The following GRIN2B variants were observed in gnomAD, a reference collection of about 807,000 sequenced individuals.
GRIN2B encodes the protein glutamate receptor ionotropic, NMDA 2B.
In GRIN2B, 5 loss-of-function variants were observed where a neutral mutation model predicts 114.5. That is an observed-to-expected ratio of 0.04 (90% CI 0.02 to 0.09). The LOEUF is 0.09. Ranked by LOEUF, GRIN2B falls within the 10% of genes least tolerant of loss-of-function variation. The pLI is 1.00. For missense variants in GRIN2B, 1,108 were observed against 1,943.5 expected (o/e 0.57, Z 8.08); for synonymous variants, 787 against 745.1 (o/e 1.06, Z -0.92).
intron 2 of GRIN2B, among the ~76,000 whole-genome samples, chr12:13,946,507 C>A (rs1867365489): frequency 6.6e-6 from 1 of 151,882 alleles, no homozygotes; most frequent in Non-Finnish European, 1.5e-5. Context: ...ATACATGATG[C>A]TTGAAAGTAT....
At chr12:13,958,722 T>C (rs1446730088) in intron 2 of GRIN2B, among the ~76,000 whole-genome samples, 1 of 152,122 alleles carries the variant, frequency 6.6e-6, no homozygotes, top group Non-Finnish European at 1.5e-5. Context: ...TCCTCCTCCA[T>C]GTTCTCCTTC....
chr12:13,649,885 C>T (rs61548994), intron 5 of GRIN2B, among the ~76,000 whole-genome samples: 3,337 of 152,196 alleles, frequency 0.022, 132 homozygotes, highest in African/African-American at 0.076. Context: ...AACAGTTTAA[C>T]ATTTCTATGT....
At chr12:13,934,221 CTCT>C (rs1867088687) in intron 2 of GRIN2B, among the ~76,000 whole-genome samples, 1 of 152,194 alleles carries the variant, frequency 6.6e-6, no homozygotes, top group Non-Finnish European at 1.5e-5. Context: ...CATGCTCTTC[CTCT>C]GTGTCCAAAT....
At chr12:13,925,843 G>A (rs1866902631) in intron 2 of GRIN2B, among the ~76,000 whole-genome samples, 1 of 152,180 alleles carries the variant, frequency 6.6e-6, no homozygotes, top group Admixed American at 6.5e-5. Context: ...TACTGCGAAT[G>A]ACCTATTGTT....
Position 13,663,344 on chromosome 12 carries a change from A to G in GRIN2B, c.1125+12401T>C, listed in dbSNP as rs543841487. On this transcript the variant is annotated intron_variant, in intron 5 of 13. Coordinates refer to ENST00000609686, the MANE Select transcript of GRIN2B (RefSeq NM_000834.5). ...AGAATAAGGAAGACATAAAGGGAAA[A>G]TTGGCAATTCTTTAAGATCAACCAC... Among the ~76,000 whole-genome samples the G allele has an allele frequency of 2.7e-4, 41 of 152,302 alleles. No homozygotes were observed. The South Asian group carries it at 4.4e-3, about 16-fold the overall frequency.
intron 2 of GRIN2B, among the ~76,000 whole-genome samples, chr12:13,952,703 A>G (rs535454365): frequency 3.9e-5 from 6 of 152,164 alleles, no homozygotes; most frequent in Non-Finnish European, 8.8e-5. Flanking sequence ...GAGGTTTCCA[A>G]TCCCCCAGGA....
At chr12:13,797,193 C>G (rs1235941062) in intron 3 of GRIN2B, among the ~76,000 whole-genome samples, 3 of 152,064 alleles carry the variant, frequency 2.0e-5, no homozygotes, top group Non-Finnish European at 4.4e-5. Flanking sequence ...AGCCCATTTC[C>G]TGGTTTACAG....
intron 3 of GRIN2B, among the ~76,000 whole-genome samples, chr12:13,792,423 C>T (rs1864337117): frequency 6.6e-6 from 1 of 152,176 alleles, no homozygotes; most frequent in Non-Finnish European, 1.5e-5. Context: ...GCCTGTGGGT[C>T]CTCAGGGAAT....
chr12:13,753,329 T>C lies in GRIN2B; in HGVS notation c.998A>G (p.Asn333Ser), dbSNP rs748965398. 4.4e-6 allele frequency: 7 copies of C among 1,578,394 alleles called. No individual in the cohort carries two copies. The highest frequency in any genetic ancestry group is 3.3e-5 in the Admixed American group (2 of 59,976). ...NTHEKRIYQS[N>S]MLNRYLINVT... ...GTTCCACACTCACCTATTTAGCATA[T>C]TGGACTGGTAGATTCTCTTCTCGTG... The change falls in exon 4 of 14, where the codon AAT becomes AGT. Residue 333 changes from asparagine (N) to serine (S), a missense_variant. Asn to Ser is a conservative substitution (Grantham distance 46). Transcript: ENST00000609686. This position sits in a 1 kb window ranked among gnomAD's most constrained non-coding sequence, Gnocchi z 6.2.
chr12:13,791,954 C>T (rs1268444384), intron 3 of GRIN2B, among the ~76,000 whole-genome samples: 1 of 152,182 alleles, frequency 6.6e-6, no homozygotes. Context: ...TCTCTTTGTA[C>T]TCCCTCTCCC....
intron 3 of GRIN2B, among the ~76,000 whole-genome samples, chr12:13,820,786 G>C (rs1015881167): frequency 2.0e-5 from 3 of 152,144 alleles, no homozygotes; most frequent in African/African-American, 7.2e-5. Context: ...CCACTGCTGA[G>C]CCTTTGCTAT....
At chr12:13,825,493 A>ATATATTTTTT (rs1555144006) in intron 3 of GRIN2B, among the ~76,000 whole-genome samples, 10 of 28,128 alleles carry the variant, frequency 3.6e-4, no homozygotes, top group Admixed American at 8.4e-4. Flanking sequence ...ATATATATAT[A>ATATATTTTTT]TTTTGTGTGT....
intron 4 of GRIN2B, among the ~76,000 whole-genome samples, chr12:13,736,149 G>T (rs1339520212): frequency 2.3e-4 from 1 of 4,352 alleles, no homozygotes. Context: ...GGGGGGGGGG[G>T]GTTGGCGGGA....
intron 10 of GRIN2B, among the ~76,000 whole-genome samples, chr12:13,585,464 G>A (rs949242614): frequency 6.6e-6 from 1 of 152,150 alleles, no homozygotes; most frequent in African/African-American, 2.4e-5. Context: ...GGTCAATAAA[G>A]TCAGCCCTAT....
At chr12:13,575,659 C>A (rs1948765237) in intron 10 of GRIN2B, among the ~76,000 whole-genome samples, 2 of 132,466 alleles carry the variant, frequency 1.5e-5, no homozygotes, top group African/African-American at 5.9e-5. Context: ...ACCCTGTCTC[C>A]AAAATGATAA....
chr12:13,967,253 T>C (rs770248314), intron 2 of GRIN2B, among the ~76,000 whole-genome samples: 6 of 152,226 alleles, frequency 3.9e-5, no homozygotes, highest in African/African-American at 2.4e-5. Flanking sequence ...AATCCTGCTG[T>C]GCACCCTTCT....
intron 2 of GRIN2B, among the ~76,000 whole-genome samples, chr12:13,922,877 G>C (rs978409879): frequency 2.0e-4 from 30 of 152,080 alleles, no homozygotes; most frequent in African/African-American, 6.8e-4. Context: ...GACCTATGCT[G>C]GGCCAAAAGG....
At chr12:13,684,191 G>A (rs1440399900) in intron 4 of GRIN2B, among the ~76,000 whole-genome samples, 1 of 152,054 alleles carries the variant, frequency 6.6e-6, no homozygotes, top group Non-Finnish European at 1.5e-5. Flanking sequence ...CACTTTCCAA[G>A]GAAGGCAAAA....
intron 4 of GRIN2B, among the ~76,000 whole-genome samples, chr12:13,709,219 A>G (rs1950392310): frequency 6.6e-6 from 1 of 152,034 alleles, no homozygotes; most frequent in Non-Finnish European, 1.5e-5. Context: ...GTGGCTTTAA[A>G]TAAGGCTCAG....
Sources: gnomAD v4.1 joint callset for allele counts (sites outside exome capture counted in the v4.1 genomes callset) on GRCh38, gnomAD v4.1.1 for gene constraint, Gnocchi (gnomAD v3.1) non-coding constraint, MANE v1.5 for transcripts, NCBI Gene and HGNC (gene_info 2026-07-23, HGNC 2026-07-21) for gene names.